The following TRAPPC8 variants were observed in gnomAD, a reference collection of about 807,000 sequenced individuals.
TRAPPC8 encodes trafficking protein particle complex subunit 8.
Under a neutral mutation model 174.3 loss-of-function variants are expected in TRAPPC8, and 54 were observed. The ratio of observed to expected loss-of-function variants is 0.31; its 90% CI spans 0.25 to 0.39. The LOEUF is 0.39. TRAPPC8 is among the 10% of genes least tolerant of loss of function. TRAPPC8 has a pLI of 1.00. For synonymous variants in TRAPPC8, 630 were observed against 579.9 expected (o/e 1.09, Z -1.24); for missense variants, 1,531 against 1,699.1 (o/e 0.90, Z 1.74).
chr18:31,900,807 C>T, intron 10 of TRAPPC8, 118 bp downstream of exon 10: 1 of 726,570 alleles, frequency 1.4e-6, no homozygotes, highest in Non-Finnish European at 2.1e-6. Context: ...TAAAAATCAC[C>T]TCAACTTGTC....
intron 2 of TRAPPC8, among the ~76,000 whole-genome samples, chr18:31,925,139 A>C (rs2037557830): frequency 6.6e-6 from 1 of 152,170 alleles, no homozygotes; most frequent in South Asian, 2.1e-4. Flanking sequence ...TCAGGGTTTT[A>C]ATGCCTCAAT....
At chr18:31,840,562 C>A (rs2033036563) in intron 26 of TRAPPC8, among the ~76,000 whole-genome samples, 1 of 152,078 alleles carries the variant, frequency 6.6e-6, no homozygotes, top group African/African-American at 2.4e-5. Flanking sequence ...TTTATCTATA[C>A]CAGCAATTGG....
At chr18:31,891,768 TAAATGCGATAATCTCA>T (rs2035963332) in intron 11 of TRAPPC8, among the ~76,000 whole-genome samples, 2 of 152,208 alleles carry the variant, frequency 1.3e-5, no homozygotes, top group Non-Finnish European at 2.9e-5. Flanking sequence ...ACATTGACTT[TAAATGCGATAATCTCA>T]ACAAATTATA....
At chr18:31,936,984 G>A (rs1043554853) in intron 1 of TRAPPC8, among the ~76,000 whole-genome samples, 4 of 151,384 alleles carry the variant, frequency 2.6e-5, no homozygotes, top group South Asian at 4.2e-4. Flanking sequence ...AGGCCAAGGC[G>A]GGTGGATCAC....
chr18:31,846,586 C>CA (rs1029022237), intron 26 of TRAPPC8, 130 bp downstream of exon 26: 116 of 717,442 alleles, frequency 1.6e-4, no homozygotes, highest in Admixed American at 4.2e-4. Context: ...AAAACAACAA[C>CA]AAAAAAAACC....
At chr18:31,839,824 A>G (rs1333208881) in intron 26 of TRAPPC8, among the ~76,000 whole-genome samples, 1 of 152,214 alleles carries the variant, frequency 6.6e-6, no homozygotes, top group Non-Finnish European at 1.5e-5. Flanking sequence ...TTCTCATCTG[A>G]TAATACTGCA....
intron 2 of TRAPPC8, among the ~76,000 whole-genome samples, chr18:31,928,839 T>A (rs1175762199): frequency 6.6e-6 from 1 of 152,120 alleles, no homozygotes; most frequent in Non-Finnish European, 1.5e-5. Flanking sequence ...CTTGTTAAGA[T>A]CCTGCAAAAC....
intron 2 of TRAPPC8, among the ~76,000 whole-genome samples, chr18:31,930,344 T>C (rs1423665242): frequency 6.6e-6 from 1 of 152,080 alleles, no homozygotes; most frequent in Non-Finnish European, 1.5e-5. Flanking sequence ...GGTCTTGAAC[T>C]CCTGACCTCA....
chr18:31,868,805 C>T (rs2034706697), intron 16 of TRAPPC8, among the ~76,000 whole-genome samples: 1 of 152,012 alleles, frequency 6.6e-6, no homozygotes. Flanking sequence ...AGGACTCAAG[C>T]AATCCTCCCA....
intron 27 of TRAPPC8, among the ~76,000 whole-genome samples, chr18:31,834,116 T>G (rs113126221): frequency 9.3e-4 from 137 of 147,484 alleles, no homozygotes; most frequent in Middle Eastern, 3.5e-3. Context: ...TGTTGTTGTT[T>G]TTTATTCTTT....
intron 22 of TRAPPC8, 40 bp from the exon 23 acceptor site, chr18:31,852,703 T>TGAA: frequency 6.5e-7 from 1 of 1,528,012 alleles, no homozygotes; most frequent in Non-Finnish European, 9.0e-7. Context: ...GTTTCTCAGT[T>TGAA]CATCACATGA....
In TRAPPC8 at chr18:31,931,329, C is replaced by A; in HGVS notation, c.352G>T (p.Ala118Ser). Residue 118 changes from alanine to serine, a missense_variant and splice_region_variant, in exon 2 of 29, where the codon GCC becomes TCC. Physicochemically the swap from Ala to Ser is moderately conservative, Grantham distance 99. Transcript: ENST00000283351. ...AATAACAATAAACCTTGTTACATAC[C>A]ACTGATGTTAAGGTCATAATCTCCT... ...TAGDYDLNIS[A>S]TTPWFESYRE... is the part of the protein sequence containing the mutation. The A allele has an allele frequency of 6.5e-7, 1 of 1,547,764 alleles. No homozygotes were observed. Among genetic ancestry groups the A allele is most frequent in the Non-Finnish European group, 8.7e-7 (1 of 1,146,466 alleles).
intron 3 of TRAPPC8, among the ~76,000 whole-genome samples, chr18:31,917,163 AT>A (rs995068506): frequency 2.0e-5 from 3 of 152,262 alleles, no homozygotes; most frequent in East Asian, 1.9e-4. Context: ...TCATAAAAAA[AT>A]ACCCATTAAA....
In TRAPPC8 at chr18:31,830,433, T is replaced by A. The variant is rs2032290393; in HGVS notation, c.*322A>T. The A allele has an allele frequency of 8.3e-6, 2 of 240,194 alleles. 1 individual carries two copies. Among genetic ancestry groups the A allele is most frequent in the Middle Eastern group, 2.8e-3 (2 of 708 alleles). 14.9% of individuals were successfully genotyped at this position (240,194 alleles called of 1,614,324 possible). On this transcript the variant is annotated 3_prime_UTR_variant, in exon 29 of 29. Transcript: ENST00000283351. ...CTTTCTCAGAATCATCTCCTAATAT[T>A]CGTATACCATTGACAAGTTGTAACA...
At position 31,890,872 on chromosome 18, in the gene TRAPPC8, G is replaced by A; in HGVS notation, c.1597-6C>T. On this transcript the variant is annotated splice_region_variant and splice_polypyrimidine_tract_variant and intron_variant, in intron 11 of 28. Coordinates refer to ENST00000283351, the MANE Select transcript of TRAPPC8 (RefSeq NM_014939.5). ...GCACTTCGAAGATCAGAATCCTAGT[G>A]AATGTTTAAAAGAGAAAAAGGTTAG... 6.3e-7 allele frequency: 1 copy of A among 1,597,852 alleles called. No homozygotes were observed. Among genetic ancestry groups the A allele is most frequent in the Non-Finnish European group, 8.5e-7 (1 of 1,173,516 alleles).
intron 13 of TRAPPC8, 139 bp downstream of exon 13, chr18:31,874,341 G>T: frequency 1.2e-6 from 1 of 863,784 alleles, no homozygotes. Context: ...TAGCCAAAAA[G>T]CCTAGCCTGC....
chr18:31,885,726 G>A (rs2035675664), intron 12 of TRAPPC8, among the ~76,000 whole-genome samples: 1 of 151,606 alleles, frequency 6.6e-6, no homozygotes, highest in Non-Finnish European at 1.5e-5. Flanking sequence ...AGCCAGGCGT[G>A]GTGCATGCCC....
intron 14 of TRAPPC8, among the ~76,000 whole-genome samples, chr18:31,872,665 C>T (rs1568070700): frequency 1.3e-5 from 2 of 151,936 alleles, no homozygotes; most frequent in Admixed American, 6.6e-5. Context: ...ATGATCTGCC[C>T]GTCTTGGCCT....
chr18:31,869,702 T>A (rs2034748695), intron 16 of TRAPPC8, among the ~76,000 whole-genome samples: 1 of 152,184 alleles, frequency 6.6e-6, no homozygotes, highest in South Asian at 2.1e-4. Flanking sequence ...GACACTTTGA[T>A]ATCAGAATAC....
Sources: allele counts gnomAD v4.1 joint callset (sites outside exome capture counted in the v4.1 genomes callset), GRCh38; gene constraint gnomAD v4.1.1; transcripts MANE v1.5; gene names NCBI Gene and HGNC (gene_info 2026-07-23, HGNC 2026-07-21).